The following KMT2D variants were observed in gnomAD, a reference collection of about 807,000 sequenced individuals.
The protein encoded by KMT2D is lysine methyltransferase 2D.
KMT2D carries 55 observed loss-of-function variants against 512.7 expected under a neutral mutation model. The ratio of observed to expected loss-of-function variants is 0.11; its 90% CI spans 0.09 to 0.13. The LOEUF is 0.13. Ranked by LOEUF, KMT2D falls within the 10% of genes least tolerant of loss-of-function variation. KMT2D has a pLI of 1.00. For synonymous variants in KMT2D, 2,995 were observed against 2,904.0 expected (o/e 1.03, Z -1.01); for missense variants, 6,061 against 7,127.9 (o/e 0.85, Z 5.39).
chr12:49,041,800 A>G lies in KMT2D; in HGVS notation c.6184-95T>C. 5 of 1,519,208 alleles carry G rather than the reference A, an allele frequency of 3.3e-6. No individual in the cohort carries two copies. Among genetic ancestry groups the G allele is most frequent in the Non-Finnish European group, 4.5e-6 (5 of 1,114,766 alleles). 94.1% of individuals were successfully genotyped at this position (1,519,208 alleles called of 1,614,324 possible). A position where few individuals can be genotyped will look rare whatever the true frequency, so the allele number is the denominator to read the frequency against. On this transcript the variant is annotated intron_variant, in intron 30 of 54. Coordinates refer to ENST00000301067, the MANE Select transcript of KMT2D (RefSeq NM_003482.4). This position sits in a 1 kb window ranked among gnomAD's most constrained non-coding sequence, Gnocchi z 5.4. The stretch of plus-strand genomic sequence containing the variant: ...TTTCACACTCCCTACCCAGAAGCAG[A>G]TCCCTTCTGGCCCAGCTGCTTTAGG...
chr12:49,043,502 G>T, intron 24 of KMT2D, 74 bp from the exon 25 acceptor site: 1 of 1,592,648 alleles, frequency 6.3e-7, no homozygotes, highest in Non-Finnish European at 8.6e-7. Context: ...CAGTCCCACA[G>T]CCCTACAGGC....
In KMT2D at chr12:49,022,815, C is replaced by T. The variant is rs2137707571; in HGVS notation, c.16113G>A (p.Glu5371=). 6.2e-7 allele frequency: 1 copy of T among 1,613,734 alleles called. No individual in the cohort carries two copies. Among genetic ancestry groups the T allele is most frequent in the Non-Finnish European group, 8.5e-7 (1 of 1,179,718 alleles). Reference sequence around the variant, plus strand: ...ACTGCTTGCTGTAGGGGGTGTTGGTCTCGCCTGTGAAGGTGCTCTGATATG... The same window carrying T: ...ACTGCTTGCTGTAGGGGGTGTTGGTTTCGCCTGTGAAGGTGCTCTGATATG... ...SKAYQSTFTG[E]TNTPYSKQFV... Residue 5371 remains glutamate, a synonymous_variant, in exon 52 of 55, where the codon GAG becomes GAA. Coordinates refer to ENST00000301067, the MANE Select transcript of KMT2D (RefSeq NM_003482.4). This position sits in a 1 kb window ranked among gnomAD's most constrained non-coding sequence, Gnocchi z 8.6.
At position 49,050,077 on chromosome 12, in the gene KMT2D, C is replaced by T. The variant is rs780443391; in HGVS notation, c.3511G>A (p.Glu1171Lys). The T allele has an allele frequency of 1.9e-5, 31 of 1,613,594 alleles. No individual in the cohort carries two copies. The highest frequency in any genetic ancestry group is 9.9e-5 in the South Asian group (9 of 91,082). Residue 1171 changes from glutamate (E) to lysine (K), a missense_variant, in exon 12 of 55, where the codon GAA becomes AAA. Physicochemically the swap from Glu to Lys is moderately conservative, Grantham distance 56. This residue lies in a region of KMT2D where 447 missense variants were observed against 500.1 expected (regional missense o/e 0.89). Coordinates refer to ENST00000301067, the MANE Select transcript of KMT2D (RefSeq NM_003482.4). ...CCCTGCCCTGCTGTCTGCTTGCATT[C>T]GGGGTAGACCTCCATAGGGGTCACA... ...APVTPMEVYP[E>K]CKQTAGQGSP...
rs1938088784 is a variant in KMT2D at position 49,052,060 on chromosome 12, T to A, written c.1623A>T (p.Glu541Asp). Residue 541 changes from glutamate to aspartate, a missense_variant, in exon 11 of 55, where the codon GAA (glutamate) becomes GAT (aspartate). Physicochemically the swap from Glu to Asp is conservative, Grantham distance 45. Transcript: ENST00000301067. ...CAAATGGTGGGGACAGGGGCGATGCTTCAGGTGGTGGGGATAGAGGCGTCT... is the reference window on the plus strand; with the variant it reads ...CAAATGGTGGGGACAGGGGCGATGCATCAGGTGGTGGGGATAGAGGCGTCT... ...ALETPLSPPP[E>D]ASPLSPPFEE... 1.2e-6 allele frequency: 2 copies of A among 1,601,780 alleles called. No homozygotes were observed. Among genetic ancestry groups the A allele is most frequent in the Non-Finnish European group, 8.5e-7 (1 of 1,175,894 alleles).
At position 49,049,238 on chromosome 12, in the gene KMT2D, A is replaced by T; in HGVS notation, c.3907-20T>A. 6.7e-7 allele frequency: 1 copy of T among 1,493,486 alleles called. No individual in the cohort carries two copies. The highest frequency in any genetic ancestry group is 9.2e-7 in the Non-Finnish European group (1 of 1,084,384). The allele number at this position is 1,493,486 out of a possible 1,614,324, so 92.5% of individuals were successfully genotyped here. A position where few individuals can be genotyped will look rare whatever the true frequency, so the allele number is the denominator to read the frequency against. Reference sequence around the variant, plus strand: ...GCGACCCTGAGTGAAAGAAGGGGACAATGACAGGAGCATGTCAAGGGCTAG... The same window carrying T: ...GCGACCCTGAGTGAAAGAAGGGGACTATGACAGGAGCATGTCAAGGGCTAG... On this transcript the variant is annotated intron_variant, in intron 12 of 54. Transcript: ENST00000301067.
rs2120363498 is a variant in KMT2D at position 49,026,840 on chromosome 12, G to A, written c.15126C>T (p.Ala5042=). 1 of 1,613,692 alleles carries A rather than the reference G, an allele frequency of 6.2e-7. No individual in the cohort carries two copies. Among genetic ancestry groups the A allele is most frequent in the East Asian group, 2.2e-5 (1 of 44,864 alleles). The change falls in exon 49 of 55, where the codon GCC becomes GCT. Residue 5042 remains alanine, a synonymous_variant. Coordinates refer to ENST00000301067, the MANE Select transcript of KMT2D (RefSeq NM_003482.4). The surrounding 1 kb of genome is among the most constrained non-coding windows in gnomAD (Gnocchi z 9.6). ...CCFCHEEGDG[A]TDGPARLLNL... is the part of the protein sequence containing the mutation. ...TCAGCAGACGGGCAGGCCCATCAGT[G>A]GCCCCGTCACCCTCCTCATGACAGA...
At chr12:49,036,997 G>A (rs1943252698) in intron 35 of KMT2D, 128 bp downstream of exon 35, 1 of 1,236,748 alleles carries the variant, frequency 8.1e-7, no homozygotes. Flanking sequence ...CCACTAGTAT[G>A]ATATTTAGCC....
chr12:49,032,010 TGCA>T lies in KMT2D; in HGVS notation c.12692_12694del (p.Leu4231del). 1 of 1,607,004 alleles carries T rather than the reference TGCA, an allele frequency of 6.2e-7. No individual in the cohort carries two copies. Among genetic ancestry groups the T allele is most frequent in the African/African-American group, 1.3e-5 (1 of 74,972 alleles). On this transcript the variant is annotated inframe_deletion, in exon 40 of 55. Coordinates refer to ENST00000301067, the MANE Select transcript of KMT2D (RefSeq NM_003482.4). ...GGTCTGGCGTACTGCCTGACTCTGC[TGCA>T]GCTGCCGCTGCATGAGGAGTGCCTG...
At chr12:49,025,626 C>T (rs761431837) in intron 49 of KMT2D, among the ~76,000 whole-genome samples, 2 of 152,160 alleles carry the variant, frequency 1.3e-5, no homozygotes, top group African/African-American at 4.8e-5. Flanking sequence ...TAGCAATGCA[C>T]GACTGTACTG....
At position 49,032,890 on chromosome 12, in the gene KMT2D, G is replaced by C. The variant is rs1326092141; in HGVS notation, c.11815C>G (p.Gln3939Glu). ...TGTTGCTGCTGCTGTTGTTGAAGCT[G>C]CTGCTGCTGTTGCTGCTGTTGAAGC... is the stretch of plus-strand genomic sequence containing the variant. ...QQLQQQQQQQQLQQQQQQQLQ... is the reference protein window; with the variant it reads ...QQLQQQQQQQELQQQQQQQLQ... The change falls in exon 40 of 55, where the codon CAG (glutamine) becomes GAG (glutamate). Residue 3939 changes from glutamine to glutamate, a missense_variant. Gln to Glu is a conservative substitution (Grantham distance 29). Around this residue, in one of 16 missense-constraint regions of KMT2D, gnomAD observed 1,600 missense variants for 1,754.9 expected, o/e 0.91. Coordinates refer to ENST00000301067, the MANE Select transcript of KMT2D (RefSeq NM_003482.4). The C allele has an allele frequency of 5.2e-6, 8 of 1,549,888 alleles. No individual in the cohort carries two copies. Among genetic ancestry groups the C allele is most frequent in the Middle Eastern group, 2.0e-4 (1 of 4,920 alleles).
At position 49,054,123 on chromosome 12, in the gene KMT2D, G is replaced by A; in HGVS notation, c.528C>T (p.Thr176=). The change falls in exon 6 of 55, where the codon ACC becomes ACT. Residue 176 remains threonine (T), a synonymous_variant. Transcript: ENST00000301067. This position sits in a 1 kb window ranked among gnomAD's most constrained non-coding sequence, Gnocchi z 6.4. The part of the protein sequence containing the change: ...SGISQRCSHC[T]RLGASIPCRS... ...GGCAAGGGATGGAGGCACCGAGCCTGGTGCAGTGGGAGCAGCGCTGCCAGG... is the reference window on the plus strand; with the variant it reads ...GGCAAGGGATGGAGGCACCGAGCCTAGTGCAGTGGGAGCAGCGCTGCCAGG... The A allele has an allele frequency of 6.2e-7, 1 of 1,610,604 alleles. No homozygotes were observed. The highest frequency in any genetic ancestry group is 8.5e-7 in the Non-Finnish European group (1 of 1,178,294).
chr12:49,021,864 A>G lies in KMT2D; in HGVS notation c.16530T>C (p.Tyr5510=), dbSNP rs1004254879. 2 of 1,613,616 alleles carry G rather than the reference A, an allele frequency of 1.2e-6. No homozygotes were observed. Among genetic ancestry groups the G allele is most frequent in the African/African-American group, 2.7e-5 (2 of 74,936 alleles). The change falls in exon 55 of 55, where the codon TAT becomes TAC. Residue 5510 remains tyrosine, a synonymous_variant. Coordinates refer to ENST00000301067, the MANE Select transcript of KMT2D (RefSeq NM_003482.4). ...RRIPKGEELT[Y]DYQFDFEDDQ... is the part of the protein sequence containing the mutation. ...CGTCCTCAAAATCAAACTGATAGTC[A>G]TAGGTTAGCTGAAAAGAGAAGAGGG...
chr12:49,053,737 G>A, intron 6 of KMT2D, 96 bp from the exon 7 acceptor site: 1 of 1,377,124 alleles, frequency 7.3e-7, no homozygotes, highest in Middle Eastern at 2.0e-4. Flanking sequence ...GGCACAGAAT[G>A]AACAAACAAC....
Position 49,031,384 on chromosome 12 carries a change from C to A in KMT2D, c.13321G>T (p.Gly4441Trp), listed in dbSNP as rs1276622338. The part of the protein sequence containing the change: ...VKREANGEPI[G>W]APGTSNHLLL... Reference sequence around the variant, plus strand: ...AGGTGGTTGCTGGTTCCTGGTGCCCCTATTGGCTCCCCATTGGCCTCCCTC... The same window carrying A: ...AGGTGGTTGCTGGTTCCTGGTGCCCATATTGGCTCCCCATTGGCCTCCCTC... The change falls in exon 40 of 55, where the codon GGG (glycine) becomes TGG (tryptophan). Residue 4441 changes from glycine (G) to tryptophan (W), a missense_variant. Gly to Trp is a radical substitution (Grantham distance 184, BLOSUM62 -2). Transcript: ENST00000301067. 25 of 1,613,618 alleles carry A rather than the reference C, an allele frequency of 1.5e-5. No individual in the cohort carries two copies. The highest frequency in any genetic ancestry group is 1.9e-5 in the Non-Finnish European group (23 of 1,179,884).
Position 49,041,960 on chromosome 12 carries a change from T to C in KMT2D, c.6140A>G (p.Lys2047Arg). ...AGCTGCTGGAACCTTTCTCCAGAGC[T>C]TCATGATTTGTTTGCAACGGCTTGA... ...DWSSRCKQIM[K>R]LWRKVPAADK... The change falls in exon 30 of 55, where the codon AAG becomes AGG. Residue 2047 changes from lysine (K) to arginine (R), a missense_variant. By Grantham distance (26) the Lys-to-Arg change is conservative. Transcript: ENST00000301067. This position sits in a 1 kb window ranked among gnomAD's most constrained non-coding sequence, Gnocchi z 5.4. 1 of 1,611,626 alleles carries C rather than the reference T, an allele frequency of 6.2e-7. No homozygotes were observed. Among genetic ancestry groups the C allele is most frequent in the Non-Finnish European group, 8.5e-7 (1 of 1,178,914 alleles).
chr12:49,020,303 G>A lies in KMT2D; in HGVS notation c.*1477C>T, dbSNP rs1362614238. 1.1e-5 allele frequency: 2 copies of A among 174,800 alleles called. No homozygotes were observed. The highest frequency in any genetic ancestry group is 2.5e-5 in the Non-Finnish European group (2 of 81,124). The allele number at this position is 174,800 out of a possible 1,614,324, so 10.8% of individuals were successfully genotyped here. A position where few individuals can be genotyped will look rare whatever the true frequency, so the allele number is the denominator to read the frequency against. ...GCCAGGGGGTGGGGAGTGGGGTGGG[G>A]GGTGAGGAAAAGGGCGGTAGGTCGG... is the stretch of plus-strand genomic sequence containing the variant. On this transcript the variant is annotated 3_prime_UTR_variant, in exon 55 of 55. Transcript: ENST00000301067.
chr12:49,036,133 T>C (rs1480079365), intron 35 of KMT2D: 1 of 152,226 alleles, frequency 6.6e-6, no homozygotes, highest in African/African-American at 2.4e-5. Context: ...ACTCAATAAA[T>C]GCTATTATAA....
rs553627354 is a variant in KMT2D, at chr12:49,019,393, G to A, written c.*2387C>T. The A allele has an allele frequency of 6.0e-4, 129 of 214,794 alleles. No homozygotes were observed. Among genetic ancestry groups the A allele is most frequent in the Non-Finnish European group, 9.6e-4 (102 of 106,402 alleles). The allele number at this position is 214,794 out of a possible 1,614,324, so 13.3% of individuals were successfully genotyped here. A position where few individuals can be genotyped will look rare whatever the true frequency, so the allele number is the denominator to read the frequency against. ...GGGGGGTGGGGTGGGGGATTCTGAT[G>A]CAATTATACAGGCAGGGTACTTAAA... On this transcript the variant is annotated 3_prime_UTR_variant, in exon 55 of 55. Transcript: ENST00000301067.
At position 49,051,441 on chromosome 12, in the gene KMT2D, C is replaced by T. The variant is rs2120670174; in HGVS notation, c.2242G>A (p.Glu748Lys). ...SEGPHLSPRP[E>K]EPHLSPRPEE... ...GGCCGGGGGGACAGGTGCGGCTCCTCAGGCCGGGGTGACAGGTGCGGCCCC... is the reference window on the plus strand; with the variant it reads ...GGCCGGGGGGACAGGTGCGGCTCCTTAGGCCGGGGTGACAGGTGCGGCCCC... The change falls in exon 11 of 55, where the codon GAG becomes AAG. Residue 748 changes from glutamate to lysine, a missense_variant. Around this residue, in one of 16 missense-constraint regions of KMT2D, gnomAD observed 848 missense variants for 838.5 expected, o/e 1.01. Coordinates refer to ENST00000301067, the MANE Select transcript of KMT2D (RefSeq NM_003482.4). 1 of 1,613,048 alleles carries T rather than the reference C, an allele frequency of 6.2e-7. No homozygotes were observed. The highest frequency in any genetic ancestry group is 8.5e-7 in the Non-Finnish European group (1 of 1,179,408).
Sources: allele counts gnomAD v4.1 joint callset (sites outside exome capture counted in the v4.1 genomes callset), GRCh38; gene constraint gnomAD v4.1.1; regional missense constraint gnomAD v4.1.1; non-coding constraint Gnocchi (gnomAD v3.1); transcripts MANE v1.5; gene names NCBI Gene and HGNC (gene_info 2026-07-23, HGNC 2026-07-21).